TENM3: variants seen among roughly 807,000 people sequenced by gnomAD.
TENM3 encodes teneurin transmembrane protein 3, also known as teneurin-3.
Under a neutral mutation model 255.1 loss-of-function variants are expected in TENM3, and 63 were observed. The observed-to-expected ratio is 0.25, with a 90% CI of 0.20 to 0.30. The LOEUF (loss-of-function observed/expected upper bound fraction) is 0.30, where lower values mean the gene tolerates loss of function less well. Ranked by LOEUF, TENM3 falls within the 10% of genes least tolerant of loss-of-function variation. TENM3 has a pLI of 1.00. For synonymous variants in TENM3, 1,306 were observed against 1,322.3 expected, an observed-to-expected ratio of 0.99 and a Z score of 0.27; for missense variants, 2,929 against 3,461.1, an observed-to-expected ratio of 0.85 and a Z score of 3.86.
chr4:181,674,798 T>C, the TENM3 span, among the ~76,000 whole-genome samples: 47,533 of 152,064 alleles, frequency 0.31, 7,837 homozygotes, highest in Non-Finnish European at 0.36. Context: ...CAAAATGTCT[T>C]GCTTTTTTTA....
the TENM3 span, among the ~76,000 whole-genome samples, chr4:181,986,255 T>C: frequency 2.6e-5 from 4 of 151,944 alleles, no homozygotes; most frequent in East Asian, 7.7e-4. Flanking sequence ...TTCCATTCAT[T>C]TCTCCTCCTT....
At chr4:182,619,337 A>C (rs1426208246) in intron 4 of TENM3, among the ~76,000 whole-genome samples, 1 of 152,098 alleles carries the variant, frequency 6.6e-6, no homozygotes, top group East Asian at 1.9e-4. Flanking sequence ...AGGCTGAGGC[A>C]GGAAAATCGC....
the TENM3 span, among the ~76,000 whole-genome samples, chr4:181,944,341 C>T: frequency 6.6e-6 from 1 of 152,130 alleles, no homozygotes; most frequent in Non-Finnish European, 1.5e-5. Context: ...ATGGATGTCC[C>T]AGCTCCAGAA....
At chr4:182,787,392 T>A (rs1337793598) in intron 24 of TENM3, among the ~76,000 whole-genome samples, 2 of 152,104 alleles carry the variant, frequency 1.3e-5, no homozygotes, top group African/African-American at 4.8e-5. Flanking sequence ...TGTGACACGG[T>A]GTTGTGGGGT....
chr4:181,763,368 C>T, the TENM3 span, among the ~76,000 whole-genome samples: 1 of 152,206 alleles, frequency 6.6e-6, no homozygotes, highest in South Asian at 2.1e-4. Context: ...TTATCAAATA[C>T]CCCTAAAACA....
intron 3 of TENM3, among the ~76,000 whole-genome samples, chr4:182,527,146 T>G (rs1424387308): frequency 1.3e-5 from 2 of 152,182 alleles, no homozygotes; most frequent in Non-Finnish European, 2.9e-5. Flanking sequence ...TAGTTAACAA[T>G]CAAAGGAGGT....
At position 182,800,846 on chromosome 4, in the gene TENM3, G is replaced by C. The variant is rs180818280; in HGVS notation, c.*495G>C. The C allele has an allele frequency of 3.1e-3, 471 of 153,190 alleles. 1 individual carries two copies. Among genetic ancestry groups the C allele is most frequent in the Non-Finnish European group, 4.7e-3 (321 of 68,328 alleles). 9.5% of individuals were successfully genotyped at this position (153,190 alleles called of 1,614,324 possible). A position where few individuals can be genotyped will look rare whatever the true frequency, so the allele number is the denominator to read the frequency against. ...ACAACCCAACTGCTTTCCCTGTGCAGCTTTGTAGAAGGACATTGGCACAGT... is the reference window on the plus strand; with the variant it reads ...ACAACCCAACTGCTTTCCCTGTGCACCTTTGTAGAAGGACATTGGCACAGT... On this transcript the variant is annotated 3_prime_UTR_variant, in exon 28 of 28. Coordinates refer to ENST00000511685, the MANE Select transcript of TENM3 (RefSeq NM_001080477.4).
intron 2 of TENM3, among the ~76,000 whole-genome samples, chr4:182,331,590 C>A (rs576346264): frequency 9.2e-5 from 14 of 152,192 alleles, no homozygotes; most frequent in African/African-American, 3.4e-4. Flanking sequence ...ACATAAACTA[C>A]TCAATTGTTT....
chr4:182,310,550 G>A (rs1762381540), intron 1 of TENM3, among the ~76,000 whole-genome samples: 1 of 152,162 alleles, frequency 6.6e-6, no homozygotes, highest in East Asian at 1.9e-4. Context: ...TCCCAGGACT[G>A]ACCTCATTGG....
chr4:181,859,687 A>C, the TENM3 span, among the ~76,000 whole-genome samples: 1 of 152,210 alleles, frequency 6.6e-6, no homozygotes, highest in Non-Finnish European at 1.5e-5. Context: ...CAATTATCCC[A>C]GCATGTCTTT....
rs149233524 is a variant in TENM3 at position 182,387,912 on chromosome 4, T to G, written c.511+40983T>G. ...CCACCAATTCCGGACACAATAGGAC[T>G]CTGGTTTCTAAGGGGTGATAATTGC... On this transcript the variant is annotated intron_variant, in intron 3 of 27. Transcript: ENST00000511685. 2.7e-4 allele frequency among the ~76,000 whole-genome samples: 39 copies of G among 143,422 alleles called. No homozygotes were observed. The East Asian group carries it at 6.8e-3, about 25-fold the overall frequency. The allele number at this position is 143,422 out of a possible 152,430, so 94.1% of individuals were successfully genotyped here.
At chr4:182,106,118 C>A in the TENM3 span, among the ~76,000 whole-genome samples, 1 of 152,172 alleles carries the variant, frequency 6.6e-6, no homozygotes, top group African/African-American at 2.4e-5. Flanking sequence ...TGACCCCCAG[C>A]AAATCAATAT....
At chr4:182,099,934 A>G in the TENM3 span, among the ~76,000 whole-genome samples, 1 of 152,106 alleles carries the variant, frequency 6.6e-6, no homozygotes, top group South Asian at 2.1e-4. Context: ...GAACAATTGT[A>G]CCTTTAGAGC....
the TENM3 span, among the ~76,000 whole-genome samples, chr4:182,087,347 A>G: frequency 2.6e-5 from 4 of 152,218 alleles, no homozygotes; most frequent in African/African-American, 9.7e-5. Context: ...TAAAACTGAA[A>G]TAATAAACTT....
the TENM3 span, among the ~76,000 whole-genome samples, chr4:181,862,834 T>C: frequency 6.6e-6 from 1 of 152,088 alleles, no homozygotes; most frequent in Non-Finnish European, 1.5e-5. Flanking sequence ...ATATGAAACA[T>C]GAAAGGTAAC....
intron 1 of TENM3, among the ~76,000 whole-genome samples, chr4:182,298,691 G>A (rs762830514): frequency 3.9e-5 from 6 of 151,992 alleles, no homozygotes; most frequent in South Asian, 2.1e-4. Context: ...GAGGTAATGG[G>A]ATCGGGCATG....
At position 182,680,236 on chromosome 4, in the gene TENM3, C is replaced by G; in HGVS notation, c.1538-12C>G. The G allele has an allele frequency of 6.3e-7, 1 of 1,597,432 alleles. No homozygotes were observed. The highest frequency in any genetic ancestry group is 8.6e-7 in the Non-Finnish European group (1 of 1,165,378). ...CTATACAACAAGTGTTCCTTCTTTC[C>G]TTTTTCTTCAGAGTCTGTGGTGGAA... On this transcript the variant is annotated splice_polypyrimidine_tract_variant and intron_variant, in intron 8 of 27. Coordinates refer to ENST00000511685, the MANE Select transcript of TENM3 (RefSeq NM_001080477.4).
chr4:181,605,498 GAA>G, the TENM3 span, among the ~76,000 whole-genome samples: 299 of 13,244 alleles, frequency 0.023, 26 homozygotes, highest in Middle Eastern at 0.042. Flanking sequence ...AAGAAAGAAA[GAA>G]AGAAAGAAAG....
At chr4:181,895,514 C>A in the TENM3 span, among the ~76,000 whole-genome samples, 2 of 144,772 alleles carry the variant, frequency 1.4e-5, no homozygotes, top group African/African-American at 5.1e-5. Context: ...CTTTTCTGTG[C>A]AACTTTCTAT....
Sources: gnomAD v4.1 joint callset for allele counts (sites outside exome capture counted in the v4.1 genomes callset) on GRCh38, gnomAD v4.1.1 for gene constraint, MANE v1.5 for transcripts, NCBI Gene and HGNC (gene_info 2026-07-23, HGNC 2026-07-21) for gene names.